The following NTM variants were observed in gnomAD, a reference collection of about 807,000 sequenced individuals.
NTM encodes IgLON family member 2.
A neutral mutation model predicts 42.1 loss-of-function variants in NTM; 13 were observed. The observed-to-expected ratio is 0.31, with a 90% CI of 0.20 to 0.49. NTM has a LOEUF of 0.49. Among genes scored for constraint, NTM ranks in the 20% least tolerant of loss-of-function variants. The probability of loss-of-function intolerance (pLI) is 0.99; values close to 1 mark genes in which losing one functional copy is unlikely to be tolerated. For synonymous variants in NTM, 187 were observed against 179.2 expected, an observed-to-expected ratio of 1.04 and a Z score of -0.35; for missense variants, 373 against 452.8, an observed-to-expected ratio of 0.82 and a Z score of 1.60.
intron 2 of NTM, among the ~76,000 whole-genome samples, chr11:132,111,415 C>T (rs962758805): frequency 6.6e-6 from 1 of 152,176 alleles, no homozygotes; most frequent in African/African-American, 2.4e-5. Context: ...ATTTTCAGCA[C>T]AAGATAAGTG....
At chr11:131,948,384 A>AAAAAAG (rs61423292) in intron 2 of NTM, among the ~76,000 whole-genome samples, 26,388 of 146,230 alleles carry the variant, frequency 0.18, 2,634 homozygotes, top group African/African-American at 0.23. Context: ...AAAAAAACAA[A>AAAAAAG]AAAACAAAAA....
At chr11:131,615,933 G>A (rs369527906) in intron 1 of NTM, among the ~76,000 whole-genome samples, 21 of 152,358 alleles carry the variant, frequency 1.4e-4, no homozygotes, top group East Asian at 1.2e-3. Context: ...CGGCTGGGGC[G>A]TAGCCTAGAG....
chr11:131,789,623 AAGAAGAAGAAG>A lies in NTM; in HGVS notation c.83-121939_83-121929del, dbSNP rs2090435431. Among the ~76,000 whole-genome samples the A allele has an allele frequency of 2.9e-4, 26 of 88,194 alleles. 6 individuals are homozygous for A. Among genetic ancestry groups the A allele is most frequent in the Non-Finnish European group, 3.9e-4 (17 of 43,520 alleles). 57.9% of individuals were successfully genotyped at this position (88,194 alleles called of 152,430 possible). A position where few individuals can be genotyped will look rare whatever the true frequency, so the allele number is the denominator to read the frequency against. Reference sequence around the variant, plus strand: ...GAAGAAGAAGAAGAAGAAGAAGAAGAAGAAGAAGAAGAAAAGAAGAAGAAGAAGAAGAAGAA... The same window carrying A: ...GAAGAAGAAGAAGAAGAAGAAGAAGAAAAAGAAGAAGAAGAAGAAGAAGAA... On this transcript the variant is annotated intron_variant, in intron 1 of 8. Transcript: ENST00000683400.
At chr11:132,127,664 G>T (rs563089487) in intron 2 of NTM, among the ~76,000 whole-genome samples, 1 of 152,232 alleles carries the variant, frequency 6.6e-6, no homozygotes, top group Non-Finnish European at 1.5e-5. Flanking sequence ...TCCCCAAAGA[G>T]GTTCTTTTCC....
intron 1 of NTM, among the ~76,000 whole-genome samples, chr11:131,570,691 T>C (rs1311341041): frequency 6.6e-6 from 1 of 152,124 alleles, no homozygotes; most frequent in Non-Finnish European, 1.5e-5. Flanking sequence ...GGCGTGGTGG[T>C]GCGTGCCAGT....
chr11:131,748,103 G>T (rs180838349), intron 1 of NTM, among the ~76,000 whole-genome samples: 1 of 152,366 alleles, frequency 6.6e-6, no homozygotes, highest in East Asian at 1.9e-4. Context: ...AGCTAAATGT[G>T]TTCAATTAGG....
intron 3 of NTM, among the ~76,000 whole-genome samples, chr11:132,190,405 A>G (rs1039035934): frequency 1.3e-5 from 2 of 152,182 alleles, no homozygotes; most frequent in Non-Finnish European, 1.5e-5. Context: ...GAGGAAAGAA[A>G]CTATAAAGGC....
chr11:131,602,049 CTAAA>C (rs1173119343), intron 1 of NTM, among the ~76,000 whole-genome samples: 1 of 152,128 alleles, frequency 6.6e-6, no homozygotes, highest in Non-Finnish European at 1.5e-5. Flanking sequence ...TAAAAAGAAA[CTAAA>C]TATCTCTCTA....
chr11:131,686,556 C>T (rs149108562), intron 1 of NTM, among the ~76,000 whole-genome samples: 9 of 152,226 alleles, frequency 5.9e-5, no homozygotes, highest in Middle Eastern at 3.4e-3. Context: ...CCTGCTGTCT[C>T]AAGGGTGGCG....
chr11:131,532,572 G>C (rs1394689117), intron 1 of NTM, among the ~76,000 whole-genome samples: 1 of 152,126 alleles, frequency 6.6e-6, no homozygotes, highest in Admixed American at 6.5e-5. Context: ...TATTCCTTTA[G>C]GTGTATACCC....
intron 1 of NTM, among the ~76,000 whole-genome samples, chr11:131,598,693 T>TTCTTTCTTTCTCTC (rs1352889546): frequency 2.2e-5 from 1 of 45,422 alleles, no homozygotes; most frequent in Non-Finnish European, 5.5e-5. Context: ...TTTTCTTTCT[T>TTCTTTCTTTCTCTC]TCTTTCTTTC....
At chr11:132,185,282 C>T (rs745743344) in intron 3 of NTM, among the ~76,000 whole-genome samples, 1 of 152,160 alleles carries the variant, frequency 6.6e-6, no homozygotes, top group East Asian at 1.9e-4. Flanking sequence ...AGCGAATATC[C>T]AAACAGACAT....
intron 2 of NTM, among the ~76,000 whole-genome samples, chr11:132,120,737 A>G (rs2136921207): frequency 6.6e-6 from 1 of 152,314 alleles, no homozygotes; most frequent in Non-Finnish European, 1.5e-5. Flanking sequence ...AGAGAGAGAT[A>G]TGCCAATAGC....
chr11:131,571,177 A>G, intron 1 of NTM, among the ~76,000 whole-genome samples: 1 of 152,260 alleles, frequency 6.6e-6, no homozygotes, highest in East Asian at 1.9e-4. Context: ...GGAGGTGCTC[A>G]GGAAGTATTA....
At chr11:131,982,890 A>C (rs1008472446) in intron 2 of NTM, among the ~76,000 whole-genome samples, 18 of 152,088 alleles carry the variant, frequency 1.2e-4, no homozygotes, top group Non-Finnish European at 1.9e-4. Context: ...CTGCAGAAAA[A>C]CTTTCAGGAT....
chr11:132,151,212 T>C (rs1484085244), intron 3 of NTM, among the ~76,000 whole-genome samples: 1 of 152,218 alleles, frequency 6.6e-6, no homozygotes, highest in East Asian at 1.9e-4. Context: ...ATTGTTCCTT[T>C]GGACAAGGTT....
At chr11:131,552,766 C>G (rs1446389565) in intron 1 of NTM, among the ~76,000 whole-genome samples, 1 of 150,166 alleles carries the variant, frequency 6.7e-6, no homozygotes, top group Non-Finnish European at 1.5e-5. Context: ...TGCAGTGAGC[C>G]GAGATTGTGC....
At chr11:132,129,895 C>T (rs2066519184) in intron 2 of NTM, among the ~76,000 whole-genome samples, 1 of 152,202 alleles carries the variant, frequency 6.6e-6, no homozygotes, top group South Asian at 2.1e-4. Context: ...TCTTCACCTA[C>T]CTCCATTTTC....
At chr11:131,975,545 GAA>G (rs138674879) in intron 2 of NTM, among the ~76,000 whole-genome samples, 3 of 151,474 alleles carry the variant, frequency 2.0e-5, no homozygotes, top group African/African-American at 7.3e-5. Context: ...GGGGAGGGGG[GAA>G]AAAAAACCTC....
Sources: gnomAD v4.1 joint callset for allele counts (sites outside exome capture counted in the v4.1 genomes callset) on GRCh38, gnomAD v4.1.1 for gene constraint, MANE v1.5 for transcripts, NCBI Gene and HGNC (gene_info 2026-07-23, HGNC 2026-07-21) for gene names.